Variants in FOXP2 observed in about 807,000 individuals in gnomAD.
FOXP2 encodes the protein forkhead box protein P2.
In FOXP2, 12 loss-of-function variants were observed where a neutral mutation model predicts 115.8. The observed-to-expected ratio is 0.10, with a 90% CI of 0.07 to 0.17. The LOEUF is 0.17. FOXP2 is among the 10% of genes least tolerant of loss of function. The pLI is 1.00. For missense variants in FOXP2, 629 were observed against 843.5 expected, an observed-to-expected ratio of 0.75 and a Z score of 3.15; for synonymous variants, 328 against 297.7, an observed-to-expected ratio of 1.10 and a Z score of -1.05.
chr7:114,330,632 T>A (rs1188407174), intron 2 of FOXP2, among the ~76,000 whole-genome samples: 5 of 151,864 alleles, frequency 3.3e-5, no homozygotes, highest in Non-Finnish European at 7.4e-5. Flanking sequence ...TTTGCAACTC[T>A]GGAGAAACTT....
chr7:114,296,702 C>A (rs761157612), intron 2 of FOXP2, among the ~76,000 whole-genome samples: 3 of 151,856 alleles, frequency 2.0e-5, no homozygotes, highest in Non-Finnish European at 4.4e-5. Context: ...AGATCTGAGC[C>A]CTTGCATGAA....
chr7:114,334,953 A>ATATATATATATATATATATATC (rs1797812628), intron 2 of FOXP2, among the ~76,000 whole-genome samples: 1 of 145,178 alleles, frequency 6.9e-6, no homozygotes, highest in East Asian at 2.0e-4. Context: ...ATATATATAT[A>ATATATATATATATATATATATC]TATATAGAAA....
At position 114,591,528 on chromosome 7, in the gene FOXP2, C is replaced by T. The variant is rs187418038; in HGVS notation, c.259-37012C>T. 8.9e-4 allele frequency among the ~76,000 whole-genome samples: 136 copies of T among 151,966 alleles called. 1 individual carries two copies. The highest frequency in any genetic ancestry group is 2.9e-3 in the African/African-American group (122 of 41,482). ...TATATGTCAGATGGAAGCTATATAG[C>T]TTCCATTTTTTTCCAAGAGTGTGAT... On this transcript the variant is annotated intron_variant, in intron 3 of 16. Transcript: ENST00000350908.
At chr7:114,519,230 T>C (rs1798493880) in intron 2 of FOXP2, among the ~76,000 whole-genome samples, 1 of 152,180 alleles carries the variant, frequency 6.6e-6, no homozygotes, top group African/African-American at 2.4e-5. Context: ...TCTAATTTGG[T>C]GTTGGCAGGG....
At chr7:114,656,595 G>A in intron 10 of FOXP2, 1 of 394,402 alleles carries the variant, frequency 2.5e-6, no homozygotes, top group Non-Finnish European at 5.1e-6. Flanking sequence ...TTTCATTTAT[G>A]TACGTAACAA....
At chr7:114,178,488 T>C (rs1793375348) in intron 1 of FOXP2, among the ~76,000 whole-genome samples, 1 of 151,990 alleles carries the variant, frequency 6.6e-6, no homozygotes, top group Non-Finnish European at 1.5e-5. Flanking sequence ...CTAAGCAAAA[T>C]GGTGACATGA....
At chr7:114,685,726 T>C (rs1808324325) in intron 16 of FOXP2, among the ~76,000 whole-genome samples, 1 of 152,196 alleles carries the variant, frequency 6.6e-6, no homozygotes, top group Non-Finnish European at 1.5e-5. Flanking sequence ...TTCCAGAAAT[T>C]GTCACCCCAG....
At chr7:114,586,510 A>T (rs1473541304) in intron 3 of FOXP2, among the ~76,000 whole-genome samples, 1 of 152,128 alleles carries the variant, frequency 6.6e-6, no homozygotes, top group Non-Finnish European at 1.5e-5. Context: ...TTATGCATTG[A>T]ATATGCAAAT....
At chr7:114,516,853 G>T (rs1314083582) in intron 2 of FOXP2, among the ~76,000 whole-genome samples, 1 of 151,744 alleles carries the variant, frequency 6.6e-6, no homozygotes, top group Non-Finnish European at 1.5e-5. Context: ...ATGCCACCAT[G>T]GCCAGCTAAT....
chr7:114,260,037 G>T lies in FOXP2; in HGVS notation c.-101-27982G>T, dbSNP rs1039980765. Among the ~76,000 whole-genome samples, 6 of 151,950 alleles carry T rather than the reference G, an allele frequency of 3.9e-5. No homozygotes were observed. The South Asian group carries it at 1.3e-3, about 32-fold the overall frequency. Reference sequence around the variant, plus strand: ...TCAGAGTAGCTGGGATTAGCGGGGTGTGTGCCTCCATGCTCGGCTAATTTT... The same window carrying T: ...TCAGAGTAGCTGGGATTAGCGGGGTTTGTGCCTCCATGCTCGGCTAATTTT... On this transcript the variant is annotated intron_variant, in intron 1 of 17. Coordinates refer to the FOXP2 transcript ENST00000634411.
At chr7:114,290,163 T>C (rs571360452) in intron 2 of FOXP2, among the ~76,000 whole-genome samples, 9 of 152,116 alleles carry the variant, frequency 5.9e-5, no homozygotes, top group Non-Finnish European at 1.3e-4. Context: ...CCCTTCCCCC[T>C]AGAAAATCCA....
intron 3 of FOXP2, among the ~76,000 whole-genome samples, chr7:114,605,855 G>C (rs1175353794): frequency 6.6e-6 from 1 of 152,126 alleles, no homozygotes; most frequent in Non-Finnish European, 1.5e-5. Context: ...GATTGAGAGA[G>C]CTTTTTAGTA....
chr7:114,631,442 G>A lies in FOXP2; in HGVS notation c.598-86G>A. ...TGACCAAAAAACCCACTCAGGCAAT[G>A]AAAGGAGTGTGCATTTCCCTGTAAG... On this transcript the variant is annotated intron_variant, in intron 5 of 16. Coordinates refer to ENST00000350908, the MANE Select transcript of FOXP2 (RefSeq NM_014491.4). 6 of 1,543,802 alleles carry A rather than the reference G, an allele frequency of 3.9e-6. No individual in the cohort carries two copies. The South Asian group carries it at 7.1e-5, about 18-fold the overall frequency.
intron 1 of FOXP2, among the ~76,000 whole-genome samples, chr7:114,222,263 C>G (rs192538577): frequency 7.9e-5 from 12 of 152,294 alleles, no homozygotes; most frequent in Non-Finnish European, 1.6e-4. Flanking sequence ...TCATGCAATC[C>G]TCCCATCTCA....
intron 2 of FOXP2, among the ~76,000 whole-genome samples, chr7:114,327,542 C>T (rs1365236004): frequency 1.3e-5 from 2 of 150,846 alleles, no homozygotes; most frequent in Admixed American, 6.6e-5. Context: ...TGCTCTGTTG[C>T]CCAGGCTGGA....
chr7:114,177,877 T>G (rs1793357752), intron 1 of FOXP2, among the ~76,000 whole-genome samples: 1 of 151,980 alleles, frequency 6.6e-6, no homozygotes, highest in South Asian at 2.1e-4. Flanking sequence ...TAGTCAGACA[T>G]AATGTACAAT....
intron 1 of FOXP2, among the ~76,000 whole-genome samples, chr7:114,215,904 A>G (rs540294580): frequency 7.9e-5 from 12 of 152,278 alleles, no homozygotes; most frequent in Admixed American, 3.9e-4. Flanking sequence ...CTGTTTTATT[A>G]CCTCAGTAGA....
intron 1 of FOXP2, among the ~76,000 whole-genome samples, chr7:114,251,007 C>G (rs1421193304): frequency 6.6e-6 from 1 of 152,212 alleles, no homozygotes; most frequent in Non-Finnish European, 1.5e-5. Flanking sequence ...TTTCAGCTTT[C>G]TACATATGGC....
At chr7:114,570,179 A>G (rs1801220113) in intron 3 of FOXP2, among the ~76,000 whole-genome samples, 1 of 151,970 alleles carries the variant, frequency 6.6e-6, no homozygotes, top group African/African-American at 2.4e-5. Context: ...ACATTTGAGT[A>G]TATAGAGTAG....
Sources: allele counts gnomAD v4.1 joint callset (sites outside exome capture counted in the v4.1 genomes callset), GRCh38; gene constraint gnomAD v4.1.1; transcripts MANE v1.5; gene names NCBI Gene and HGNC (gene_info 2026-07-23, HGNC 2026-07-21).